SNX19: variants seen among roughly 807,000 people sequenced by gnomAD.
SNX19 encodes sorting nexin-19.
In SNX19, 60 loss-of-function variants were observed where a neutral mutation model predicts 85.2. The ratio of observed to expected loss-of-function variants is 0.70; its 90% CI spans 0.57 to 0.87. SNX19 has a LOEUF of 0.87. SNX19 is among the 40% of genes least tolerant of loss of function. The pLI, the probability that SNX19 is intolerant of heterozygous loss-of-function variation, is 0.00. For missense variants in SNX19, 1,201 were observed against 1,217.8 expected, an observed-to-expected ratio of 0.99 and a Z score of 0.21; for synonymous variants, 520 against 470.0, an observed-to-expected ratio of 1.11 and a Z score of -1.38.
At chr11:130,900,950 T>A (rs1945220381) in intron 8 of SNX19, among the ~76,000 whole-genome samples, 1 of 152,250 alleles carries the variant, frequency 6.6e-6, no homozygotes, top group African/African-American at 2.4e-5. Flanking sequence ...TTATTCAATA[T>A]TTAATGAGTA....
At chr11:130,888,718 T>C (rs908937419) in intron 8 of SNX19, among the ~76,000 whole-genome samples, 1 of 152,206 alleles carries the variant, frequency 6.6e-6, no homozygotes, top group Non-Finnish European at 1.5e-5. Context: ...CTCTAACCCA[T>C]ATGGACAAAT....
At chr11:130,884,768 A>C (rs1411137392) in intron 8 of SNX19, among the ~76,000 whole-genome samples, 1 of 149,756 alleles carries the variant, frequency 6.7e-6, no homozygotes, top group Admixed American at 6.7e-5. Context: ...CTACTCGGGG[A>C]GGCTGAGGCA....
intron 8 of SNX19, among the ~76,000 whole-genome samples, chr11:130,894,473 A>T (rs1015496314): frequency 6.6e-6 from 1 of 152,230 alleles, no homozygotes; most frequent in Non-Finnish European, 1.5e-5. Context: ...AGTGGCCTCT[A>T]AACCGTAGAG....
At chr11:130,912,627 C>T (rs1430385368) in intron 1 of SNX19, among the ~76,000 whole-genome samples, 2 of 152,184 alleles carry the variant, frequency 1.3e-5, no homozygotes, top group African/African-American at 4.8e-5. Context: ...AAAACTACCT[C>T]CTCGTTGGTG....
intron 5 of SNX19, 47 bp downstream of exon 5, chr11:130,907,906 A>C (rs769886326): frequency 1.2e-6 from 2 of 1,607,124 alleles, no homozygotes; most frequent in Non-Finnish European, 1.7e-6. Context: ...ATTGGGGATC[A>C]ATTTGAGAAC....
rs143470451 is a variant in SNX19, at chr11:130,905,453, CAT to C, written c.2443+498_2443+499del. The stretch of plus-strand genomic sequence containing the variant: ...TCAATGTTTAAGGCATCACCACACA[CAT>C]GTTAGAGCTGAAGCCAACACTACAG... On this transcript the variant is annotated intron_variant, in intron 7 of 10. Transcript: ENST00000265909. 2.6e-3 allele frequency among the ~76,000 whole-genome samples: 402 copies of C among 152,272 alleles called. 8 individuals are homozygous for C. The East Asian group carries it at 0.052, about 20-fold the overall frequency.
intron 1 of SNX19, among the ~76,000 whole-genome samples, chr11:130,913,331 T>A (rs572133774): frequency 2.7e-4 from 41 of 152,372 alleles, no homozygotes; most frequent in African/African-American, 8.9e-4. Context: ...AGTTATTTTA[T>A]GACCAGACAT....
chr11:130,904,912 G>A (rs1945543963), intron 7 of SNX19, among the ~76,000 whole-genome samples: 1 of 152,008 alleles, frequency 6.6e-6, no homozygotes, highest in South Asian at 2.1e-4. Context: ...ACTTCATTTA[G>A]TTAACTGTGA....
rs35059741 is a variant in SNX19 at position 130,868,494 on chromosome 11, TGG to T, written c.*9926_*9927del. ...GGGTCATAGTTAAGAGCTGCCAGCC[TGG>T]GGTCTGTTTCTGGGACATTTCCACC... On this transcript the variant is annotated 3_prime_UTR_variant, in exon 11 of 11. Coordinates refer to ENST00000265909, the MANE Select transcript of SNX19 (RefSeq NM_014758.3). The T allele has an allele frequency of 6.6e-6, 1 of 152,246 alleles. No individual in the cohort carries two copies. The highest frequency in any genetic ancestry group is 2.1e-4 in the South Asian group (1 of 4,826). 9.4% of individuals were successfully genotyped at this position (152,246 alleles called of 1,614,324 possible).
chr11:130,916,049 G>C lies in SNX19; in HGVS notation c.-110C>G. On this transcript the variant is annotated 5_prime_UTR_variant, in exon 1 of 11. Transcript: ENST00000265909. ...TCAGATATGGGGCGATCTGGGTGCT[G>C]TTCAGGGAACCGGGGCTCCAGGCCC... 1.2e-5 allele frequency: 12 copies of C among 1,005,086 alleles called. No individual in the cohort carries two copies. Among genetic ancestry groups the C allele is most frequent in the Non-Finnish European group, 1.7e-5 (12 of 689,234 alleles). The allele number at this position is 1,005,086 out of a possible 1,614,324, so 62.3% of individuals were successfully genotyped here. A position where few individuals can be genotyped will look rare whatever the true frequency, so the allele number is the denominator to read the frequency against.
chr11:130,908,559 C>T (rs186430888), intron 4 of SNX19, among the ~76,000 whole-genome samples: 102 of 152,314 alleles, frequency 6.7e-4, no homozygotes, highest in Non-Finnish European at 1.1e-3. Context: ...GTAATATTAA[C>T]ATGCTTAGAG....
At chr11:130,891,994 C>T (rs770298544) in intron 8 of SNX19, among the ~76,000 whole-genome samples, 3 of 151,718 alleles carry the variant, frequency 2.0e-5, no homozygotes, top group South Asian at 2.1e-4. Context: ...GCATGCGCCA[C>T]GATGCCCGGC....
Position 130,914,617 on chromosome 11 carries a change from C to T in SNX19, c.1323G>A (p.Leu441=), listed in dbSNP as rs1265917367. The change falls in exon 1 of 11, where the codon CTG becomes CTA. Residue 441 remains leucine (L), a synonymous_variant. Transcript: ENST00000265909. The stretch of plus-strand genomic sequence containing the variant: ...CAATATGGATCTCTGGGCAGGAATT[C>T]AGTGTGGAGACCGGCAGGCCTGTCT... ...ETETGLPVST[L]NSCPEIHIDT... 6.2e-7 allele frequency: 1 copy of T among 1,613,972 alleles called. No homozygotes were observed. The highest frequency in any genetic ancestry group is 1.7e-5 in the Admixed American group (1 of 60,022).
chr11:130,914,232 C>T (rs900441339), intron 1 of SNX19, 34 bp downstream of exon 1: 3 of 1,505,840 alleles, frequency 2.0e-6, no homozygotes, highest in African/African-American at 2.8e-5. Flanking sequence ...CCACTCCTAG[C>T]CCGGGTGAGC....
intron 8 of SNX19, among the ~76,000 whole-genome samples, chr11:130,895,481 G>A (rs138620693): frequency 6.6e-6 from 1 of 152,262 alleles, no homozygotes; most frequent in Non-Finnish European, 1.5e-5. Context: ...AGATATAATG[G>A]TAAATAAGAC....
At position 130,868,023 on chromosome 11, in the gene SNX19, AT is replaced by A. The variant is rs1374599946; in HGVS notation, c.*10398del. The A allele has an allele frequency of 2.0e-5, 3 of 152,170 alleles. No individual in the cohort carries two copies. Among genetic ancestry groups the A allele is most frequent in the Non-Finnish European group, 4.4e-5 (3 of 68,020 alleles). 9.4% of individuals were successfully genotyped at this position (152,170 alleles called of 1,614,324 possible). On this transcript the variant is annotated 3_prime_UTR_variant, in exon 11 of 11. Transcript: ENST00000265909. ...TGTGACAATGCCAAAGAACGAAATGATTTTTTAAAAAATCTCTTCTCTGAAA... is the reference window on the plus strand; with the variant it reads ...TGTGACAATGCCAAAGAACGAAATGATTTTTAAAAAATCTCTTCTCTGAAA...
Position 130,877,510 on chromosome 11 carries a change from T to C in SNX19, c.*912A>G, listed in dbSNP as rs1943330047. 6.6e-6 allele frequency: 1 copy of C among 152,312 alleles called. No individual in the cohort carries two copies. Among genetic ancestry groups the C allele is most frequent in the Admixed American group, 6.5e-5 (1 of 15,280 alleles). The allele number at this position is 152,312 out of a possible 1,614,324, so 9.4% of individuals were successfully genotyped here. On this transcript the variant is annotated 3_prime_UTR_variant, in exon 11 of 11. Transcript: ENST00000265909. ...CCCCAGCCTTGCTAGTCCTACTCTTTGTGCATTCTTAAGACAGGAGGCAAG... is the reference window on the plus strand; with the variant it reads ...CCCCAGCCTTGCTAGTCCTACTCTTCGTGCATTCTTAAGACAGGAGGCAAG...
chr11:130,901,600 C>T (rs75011217), intron 8 of SNX19, among the ~76,000 whole-genome samples: 6,026 of 151,804 alleles, frequency 0.04, 174 homozygotes, highest in African/African-American at 0.075. Flanking sequence ...GACGTTTACA[C>T]GGTGGAAAAT....
At chr11:130,896,112 G>A (rs558389930) in intron 8 of SNX19, among the ~76,000 whole-genome samples, 6 of 152,230 alleles carry the variant, frequency 3.9e-5, no homozygotes, top group Non-Finnish European at 7.3e-5. Context: ...GAAAATAAGC[G>A]AGAATTCTGA....
Sources: gnomAD v4.1 joint callset for allele counts (sites outside exome capture counted in the v4.1 genomes callset) on GRCh38, gnomAD v4.1.1 for gene constraint, MANE v1.5 for transcripts, NCBI Gene and HGNC (gene_info 2026-07-23, HGNC 2026-07-21) for gene names.